GALNT17: variants seen among roughly 807,000 people sequenced by gnomAD.
GALNT17 encodes UDP-GalNAc:polypeptide N-acetylgalactosaminyltransferase-like 3.
GALNT17 carries 29 observed loss-of-function variants against 63.7 expected under a neutral mutation model. The observed-to-expected ratio is 0.46, with a 90% CI of 0.34 to 0.62. The LOEUF is 0.62. Ranked by LOEUF, GALNT17 falls within the 20% of genes least tolerant of loss-of-function variation. The pLI is 0.01. For synonymous variants in GALNT17, 305 were observed against 318.3 expected (o/e 0.96, Z 0.45); for missense variants, 603 against 799.6 (o/e 0.75, Z 2.97).
intron 6 of GALNT17, among the ~76,000 whole-genome samples, chr7:71,577,433 G>A (rs11976847): frequency 0.13 from 19,245 of 152,012 alleles, 2,146 homozygotes; most frequent in African/African-American, 0.31. Context: ...ACAAACACAC[G>A]CACACACACG....
chr7:71,381,837 C>G (rs1792852624), intron 2 of GALNT17, among the ~76,000 whole-genome samples: 1 of 152,236 alleles, frequency 6.6e-6, no homozygotes, highest in South Asian at 2.1e-4. Context: ...GGAGGTGTCT[C>G]CTTTGCAGCT....
chr7:71,395,233 C>T (rs2116366706), intron 3 of GALNT17, among the ~76,000 whole-genome samples: 1 of 152,360 alleles, frequency 6.6e-6, no homozygotes, highest in Non-Finnish European at 1.5e-5. Context: ...GGAGTAGCCT[C>T]TCCCAATTCT....
At chr7:71,556,552 T>A (rs532867534) in intron 5 of GALNT17, among the ~76,000 whole-genome samples, 78 of 152,170 alleles carry the variant, frequency 5.1e-4, no homozygotes, top group African/African-American at 1.7e-3. Flanking sequence ...CTCGGCATCA[T>A]CTTTTTTATT....
chr7:71,638,310 A>G (rs954649045), intron 6 of GALNT17, among the ~76,000 whole-genome samples: 1 of 152,052 alleles, frequency 6.6e-6, no homozygotes, highest in African/African-American at 2.4e-5. Flanking sequence ...TCTTGTGCCA[A>G]CCTCCTATCT....
chr7:71,287,854 C>G (rs1443186878), intron 1 of GALNT17, among the ~76,000 whole-genome samples: 1 of 151,572 alleles, frequency 6.6e-6, no homozygotes, highest in Non-Finnish European at 1.5e-5. Flanking sequence ...GAGTTTGAGA[C>G]CAGCCTGGCC....
At chr7:71,379,190 G>C (rs1264028325) in intron 2 of GALNT17, among the ~76,000 whole-genome samples, 1 of 152,122 alleles carries the variant, frequency 6.6e-6, no homozygotes, top group African/African-American at 2.4e-5. Flanking sequence ...CTAGCAGGAG[G>C]AAGGTAGTGT....
chr7:71,712,059 G>A lies in GALNT17; in HGVS notation c.1710G>A (p.Glu570=). 3.1e-6 allele frequency: 5 copies of A among 1,614,124 alleles called. No individual in the cohort carries two copies. Among genetic ancestry groups the A allele is most frequent in the Non-Finnish European group, 4.2e-6 (5 of 1,180,016 alleles). ...IMNKGTGRCL[E]VENRGLAGID... ...ACAAGGGCACGGGACGCTGCCTGGA[G>A]GTGGAGAACCGGGGCCTGGCTGGCA... The change falls in exon 11 of 11, where the codon GAG becomes GAA. Residue 570 remains glutamate, a synonymous_variant. Transcript: ENST00000333538.
chr7:71,263,752 T>C (rs767714710), intron 1 of GALNT17, among the ~76,000 whole-genome samples: 8 of 151,676 alleles, frequency 5.3e-5, no homozygotes, highest in South Asian at 4.2e-4. Flanking sequence ...TGAAACCCCG[T>C]CTCTACTAAA....
At chr7:71,444,537 C>A (rs532817163) in intron 5 of GALNT17, among the ~76,000 whole-genome samples, 11 of 152,264 alleles carry the variant, frequency 7.2e-5, no homozygotes, top group African/African-American at 2.4e-4. Context: ...CCTCTCTGGG[C>A]CAAAATGTTA....
At chr7:71,294,161 C>CA (rs11378077) in intron 1 of GALNT17, among the ~76,000 whole-genome samples, 140,855 of 143,202 alleles carry the variant, frequency 0.98, 69,274 homozygotes, top group South Asian at 1. Context: ...GACTCCGTCT[C>CA]AAAAAAAAAA....
In GALNT17 at chr7:71,640,780, C is replaced by T. The variant is rs989832674; in HGVS notation, c.1081-24631C>T. On this transcript the variant is annotated intron_variant, in intron 6 of 10. Coordinates refer to ENST00000333538, the MANE Select transcript of GALNT17 (RefSeq NM_022479.3). ...TAATTCCAGCTACTTGAGAGGCTTACCCAGGAGGATCACTTGACCCCAGGA... is the reference window on the plus strand; with the variant it reads ...TAATTCCAGCTACTTGAGAGGCTTATCCAGGAGGATCACTTGACCCCAGGA... Among the ~76,000 whole-genome samples the T allele has an allele frequency of 3.3e-5, 5 of 151,766 alleles. No individual in the cohort carries two copies. In the East Asian group the frequency reaches 9.6e-4, roughly 29 times the overall value.
chr7:71,410,624 G>A (rs777310957), intron 3 of GALNT17, among the ~76,000 whole-genome samples: 3 of 152,234 alleles, frequency 2.0e-5, no homozygotes, highest in Non-Finnish European at 4.4e-5. Context: ...AGGGCTCTGA[G>A]CCCAGGGATG....
chr7:71,388,212 A>G (rs377228088), intron 2 of GALNT17, 23 bp from the exon 3 acceptor site: 6 of 1,608,512 alleles, frequency 3.7e-6, no homozygotes, highest in African/African-American at 2.7e-5. Flanking sequence ...CTGACTCTGC[A>G]TTTCCGATCT....
chr7:71,499,024 A>G (rs879522698), intron 5 of GALNT17, among the ~76,000 whole-genome samples: 2 of 152,334 alleles, frequency 1.3e-5, no homozygotes, highest in South Asian at 2.1e-4. Flanking sequence ...GGACATTGGA[A>G]TATTTTGTGA....
chr7:71,270,162 G>C (rs1356583079), intron 1 of GALNT17, among the ~76,000 whole-genome samples: 29 of 152,174 alleles, frequency 1.9e-4, no homozygotes, highest in Non-Finnish European at 2.9e-5. Context: ...AAAGCACAGA[G>C]AGATTGAGAA....
chr7:71,211,252 T>C lies in GALNT17; in HGVS notation c.238+78212T>C, dbSNP rs149379439. On this transcript the variant is annotated intron_variant, in intron 1 of 10. Transcript: ENST00000333538. Reference sequence around the variant, plus strand: ...TCATGGGGGCTGGTTTTTCCCATGCTGTTCTCATGATAGTGAATAAGTCTC... The same window carrying C: ...TCATGGGGGCTGGTTTTTCCCATGCCGTTCTCATGATAGTGAATAAGTCTC... Among the ~76,000 whole-genome samples the C allele has an allele frequency of 9.5e-3, 1,449 of 152,308 alleles. 24 individuals carry two copies. Among genetic ancestry groups the C allele is most frequent in the African/African-American group, 0.033 (1,386 of 41,580 alleles).
At chr7:71,482,181 G>A (rs964080960) in intron 5 of GALNT17, among the ~76,000 whole-genome samples, 3 of 135,112 alleles carry the variant, frequency 2.2e-5, no homozygotes, top group Non-Finnish European at 4.6e-5. Context: ...ACGGAGTCTC[G>A]CTCTGTCACC....
At chr7:71,353,413 C>CAA (rs1479118731) in intron 2 of GALNT17, among the ~76,000 whole-genome samples, 2 of 152,090 alleles carry the variant, frequency 1.3e-5, no homozygotes, top group Non-Finnish European at 2.9e-5. Flanking sequence ...CACATTTCAC[C>CAA]AGTTGTCTCA....
At chr7:71,710,737 C>G (rs764939866) in intron 9 of GALNT17, 24 bp from the exon 10 acceptor site, 10 of 1,610,228 alleles carry the variant, frequency 6.2e-6, no homozygotes, top group Non-Finnish European at 8.5e-6. Context: ...CTTCCATTCC[C>G]CTGCTGCTCT....
Sources: gnomAD v4.1 joint callset for allele counts (sites outside exome capture counted in the v4.1 genomes callset) on GRCh38, gnomAD v4.1.1 for gene constraint, MANE v1.5 for transcripts, NCBI Gene and HGNC (gene_info 2026-07-23, HGNC 2026-07-21) for gene names.